Variants in ATP1A2 observed in about 807,000 individuals in gnomAD.
The protein encoded by ATP1A2 is ATPase Na+/K+ transporting subunit alpha 2.
Under a neutral mutation model 113.1 loss-of-function variants are expected in ATP1A2, and 56 were observed. The observed-to-expected ratio is 0.49, with a 90% CI of 0.40 to 0.62. ATP1A2 has a LOEUF of 0.62. Among genes scored for constraint, ATP1A2 ranks in the 20% least tolerant of loss-of-function variants. The pLI is 0.00. For missense variants in ATP1A2, 712 were observed against 1,357.8 expected (o/e 0.52, Z 7.47); for synonymous variants, 490 against 526.8 (o/e 0.93, Z 0.96).
intron 4 of ATP1A2, 94 bp downstream of exon 4, chr1:160,123,510 C>T: frequency 5.3e-6 from 8 of 1,495,694 alleles, no homozygotes; most frequent in Non-Finnish European, 7.4e-6. Context: ...ACAAGGCCCT[C>T]ACATAACAGT....
rs768950032 is a variant in ATP1A2, at chr1:160,141,347, T to C, written c.*25T>C. ...ACCCCATTGGAAGAAGAACCAGGCA[T>C]GGAAAGATGGGGAGCTCTGGAGGTG... On this transcript the variant is annotated 3_prime_UTR_variant, in exon 23 of 23. Coordinates refer to ENST00000361216, the MANE Select transcript of ATP1A2 (RefSeq NM_000702.4). 35 of 1,613,436 alleles carry C rather than the reference T, an allele frequency of 2.2e-5. No individual in the cohort carries two copies. The East Asian group carries it at 7.8e-4, about 36-fold the overall frequency.
chr1:160,139,812 TG>T (rs1216792827), intron 21 of ATP1A2, 71 bp downstream of exon 21: 41 of 1,610,994 alleles, frequency 2.5e-5, no homozygotes, highest in Non-Finnish European at 3.5e-5. Flanking sequence ...ATCCAAGTTC[TG>T]ATCGCTTTGA....
chr1:160,128,950 C>T (rs373704478), intron 9 of ATP1A2, 30 bp from the exon 10 acceptor site: 1,167 of 1,594,162 alleles, frequency 7.3e-4, no homozygotes, highest in Non-Finnish European at 9.2e-4. Flanking sequence ...AAGGGAGCCA[C>T]GCTCCTGGTT....
Position 160,139,761 on chromosome 1 carries a change from G to T in ATP1A2, c.2942+20G>T. ...GCTCAAGTGAGTGTCTCTTTCGGGC[G>T]GCCTGAGTAGTCATACGGGGGGCCT... On this transcript the variant is annotated intron_variant, in intron 21 of 22. Coordinates refer to ENST00000361216, the MANE Select transcript of ATP1A2 (RefSeq NM_000702.4). The T allele has an allele frequency of 6.2e-7, 1 of 1,613,840 alleles. No homozygotes were observed. The highest frequency in any genetic ancestry group is 8.5e-7 in the Non-Finnish European group (1 of 1,179,788).
chr1:160,139,599 T>G (rs1324268768), intron 20 of ATP1A2, 41 bp from the exon 21 acceptor site: 2 of 1,567,298 alleles, frequency 1.3e-6, no homozygotes, highest in African/African-American at 1.4e-5. Flanking sequence ...TCTGCCTCCA[T>G]GATCCCCCTT....
chr1:160,129,116 A>C (rs1279974535), intron 10 of ATP1A2, 27 bp downstream of exon 10: 1 of 1,570,110 alleles, frequency 6.4e-7, no homozygotes, highest in South Asian at 1.1e-5. Context: ...CACACCAGGT[A>C]TGTTTTGGGG....
At chr1:160,117,162 G>T (rs1197542500) in intron 1 of ATP1A2, among the ~76,000 whole-genome samples, 1 of 152,146 alleles carries the variant, frequency 6.6e-6, no homozygotes, top group Non-Finnish European at 1.5e-5. Flanking sequence ...TGAGGTATGG[G>T]CTTCACGGAG....
intron 13 of ATP1A2, among the ~76,000 whole-genome samples, chr1:160,134,101 C>T (rs1441727477): frequency 4.9e-5 from 7 of 143,470 alleles, no homozygotes; most frequent in Admixed American, 4.9e-4. Flanking sequence ...CACACACACG[C>T]ACACATACAC....
intron 7 of ATP1A2, among the ~76,000 whole-genome samples, chr1:160,127,090 A>T (rs534244808): frequency 1.2e-4 from 18 of 152,288 alleles, no homozygotes; most frequent in African/African-American, 4.1e-4. Context: ...AGACCCCTGT[A>T]ATGTCACACA....
intron 22 of ATP1A2, 27 bp downstream of exon 22, chr1:160,140,011 A>G: frequency 6.2e-7 from 1 of 1,607,804 alleles, no homozygotes; most frequent in Non-Finnish European, 8.5e-7. Flanking sequence ...TCCCCCCAGC[A>G]AAGTGCAAGC....
At chr1:160,136,789 G>C (rs923700372) in intron 19 of ATP1A2, 74 bp downstream of exon 19, 18 of 1,613,908 alleles carry the variant, frequency 1.1e-5, no homozygotes, top group Admixed American at 5.0e-5. Context: ...GGAGTGGCCA[G>C]TGGTGGCCAA....
chr1:160,134,014 A>G (rs1320167996), intron 13 of ATP1A2, among the ~76,000 whole-genome samples: 1 of 150,942 alleles, frequency 6.6e-6, no homozygotes, highest in Non-Finnish European at 1.5e-5. Flanking sequence ...GACACACACA[A>G]ATCCCCACCT....
intron 5 of ATP1A2, 29 bp from the exon 6 acceptor site, chr1:160,124,267 T>C: frequency 6.3e-7 from 1 of 1,579,412 alleles, no homozygotes. Context: ...GAGACAAGCA[T>C]TTCATGAGCT....
At position 160,141,754 on chromosome 1, in the gene ATP1A2, T is replaced by G. The variant is rs1002250189; in HGVS notation, c.*432T>G. On this transcript the variant is annotated 3_prime_UTR_variant, in exon 23 of 23. Transcript: ENST00000361216. ...CTCCATTTCCCACTTCCACCCCCGT[T>G]AGCTTCCTGCAGGACTCTATCCCTG... The G allele has an allele frequency of 7.5e-5, 19 of 254,438 alleles. No homozygotes were observed. Among genetic ancestry groups the G allele is most frequent in the African/African-American group, 3.5e-4 (16 of 45,640 alleles). 15.8% of individuals were successfully genotyped at this position (254,438 alleles called of 1,614,324 possible).
chr1:160,133,398 G>A (rs1263028609), intron 13 of ATP1A2, among the ~76,000 whole-genome samples: 1 of 152,070 alleles, frequency 6.6e-6, no homozygotes, highest in Non-Finnish European at 1.5e-5. Context: ...AGTATCCATA[G>A]GACTTGCCCT....
intron 3 of ATP1A2, among the ~76,000 whole-genome samples, chr1:160,122,374 A>G (rs1229709550): frequency 6.7e-6 from 1 of 150,114 alleles, no homozygotes; most frequent in Non-Finnish European, 1.5e-5. Flanking sequence ...CAGAGTGACA[A>G]TTGTGCCTGG....
At chr1:160,137,847 C>T (rs1652005454) in intron 20 of ATP1A2, among the ~76,000 whole-genome samples, 2 of 151,958 alleles carry the variant, frequency 1.3e-5, no homozygotes, top group South Asian at 2.1e-4. Context: ...GAGAAGATGC[C>T]AAAGTGAAGT....
intron 1 of ATP1A2, 141 bp from the exon 2 acceptor site, chr1:160,120,765 C>T: frequency 2.4e-6 from 2 of 817,108 alleles, no homozygotes; most frequent in South Asian, 3.2e-5. Context: ...GTCCCTCACC[C>T]TCCATCCCCC....
rs536168465 is a variant in ATP1A2, at chr1:160,130,480, G to A, written c.1710G>A (p.Thr570=). The A allele has an allele frequency of 1.7e-5, 28 of 1,614,094 alleles. No homozygotes were observed. Among genetic ancestry groups the A allele is most frequent in the South Asian group, 1.3e-4 (12 of 91,088 alleles). Residue 570 remains threonine (T), a synonymous_variant, in exon 13 of 23, where the codon ACG becomes ACA. Transcript: ENST00000361216. ...GKFPRGFKFD[T]DELNFPTEKL... is the part of the protein sequence containing the mutation. Reference sequence around the variant, plus strand: ...TTCCTCGGGGCTTCAAATTCGACACGGATGAGCTGAACTTTCCCACGGAGA... The same window carrying A: ...TTCCTCGGGGCTTCAAATTCGACACAGATGAGCTGAACTTTCCCACGGAGA...
Sources: allele counts gnomAD v4.1 joint callset (sites outside exome capture counted in the v4.1 genomes callset), GRCh38; gene constraint gnomAD v4.1.1; transcripts MANE v1.5; gene names NCBI Gene and HGNC (gene_info 2026-07-23, HGNC 2026-07-21).